The following OARD1 variants were observed in gnomAD, a reference collection of about 807,000 sequenced individuals.
The protein encoded by OARD1 is ADP-ribose glycohydrolase OARD1.
Under a neutral mutation model 19.7 loss-of-function variants are expected in OARD1, and 19 were observed. The ratio of observed to expected loss-of-function variants is 0.96; its 90% confidence interval spans 0.67 to 1.41. The LOEUF is 1.41. Ranked by LOEUF, OARD1 falls within the 40% of genes most tolerant of loss-of-function variation. The probability of loss-of-function intolerance (pLI) is 0.00; values close to 1 mark genes in which losing one functional copy is unlikely to be tolerated. For missense variants in OARD1, 190 were observed against 183.8 expected (o/e 1.03, Z -0.20); for synonymous variants, 70 against 61.8 (o/e 1.13, Z -0.62).
At position 41,084,281 on chromosome 6, in the gene OARD1, C is replaced by T. The variant is rs1763983830; in HGVS notation, c.-41-12606G>A. On this transcript the variant is annotated intron_variant, in intron 1 of 4. Transcript: ENST00000480585. ...ACAACCTATTTGATAATTGATATTG[C>T]ATTTAACTGCTTCCTAACCCACATT... is the stretch of plus-strand genomic sequence containing the variant. The T allele has an allele frequency of 1.6e-5, 22 of 1,416,190 alleles. 1 individual carries two copies. In the South Asian group the frequency reaches 2.5e-4, roughly 16 times the overall value. The allele number at this position is 1,416,190 out of a possible 1,614,324, so 87.7% of individuals were successfully genotyped here.
chr6:41,088,925 C>T (rs780183380), intron 1 of OARD1, among the ~76,000 whole-genome samples: 36 of 152,116 alleles, frequency 2.4e-4, no homozygotes, highest in Non-Finnish European at 4.7e-4. Context: ...TAAAAAAGTA[C>T]TTCATCATTC....
At chr6:41,079,100 A>G in intron 1 of OARD1, 1 of 1,614,214 alleles carries the variant, frequency 6.2e-7, no homozygotes, top group African/African-American at 1.3e-5. Context: ...ATGGAGCAGT[A>G]TACAGCAAAC....
chr6:41,087,212 T>C (rs1764073046), intron 1 of OARD1, among the ~76,000 whole-genome samples: 1 of 152,250 alleles, frequency 6.6e-6, no homozygotes, highest in East Asian at 1.9e-4. Context: ...TGTTTACTTA[T>C]TTATTTGCCA....
At chr6:41,074,345 G>C (rs910257150), upstream of OARD1, among the ~76,000 whole-genome samples, 1 of 152,182 alleles carries the variant, frequency 6.6e-6, no homozygotes, top group South Asian at 2.1e-4. Context: ...CGTGTGTTAG[G>C]GAGGGAGTAC....
upstream of OARD1, chr6:41,072,475 G>C (rs1031542631): frequency 6.6e-6 from 1 of 152,316 alleles, no homozygotes; most frequent in African/African-American, 2.4e-5. Context: ...ATCTAAGATG[G>C]CCGCCCCCGC....
chr6:41,067,480 C>G, intron 5 of OARD1, 43 bp from the exon 6 acceptor site: 1 of 1,306,460 alleles, frequency 7.7e-7, no homozygotes, highest in Non-Finnish European at 1.1e-6. Context: ...ACGAAAGTAT[C>G]TAGGAAACTG....
intron 5 of OARD1, among the ~76,000 whole-genome samples, chr6:41,068,164 C>T (rs1167082035): frequency 6.6e-6 from 1 of 152,052 alleles, no homozygotes; most frequent in Non-Finnish European, 1.5e-5. Context: ...CATTTGAGGC[C>T]ATATGCAAAG....
intron 1 of OARD1, among the ~76,000 whole-genome samples, chr6:41,083,799 A>G (rs559181362): frequency 1.3e-5 from 2 of 152,356 alleles, no homozygotes; most frequent in South Asian, 2.1e-4. Flanking sequence ...CCTTATATCT[A>G]TTGAGACTTC....
chr6:41,086,138 G>A (rs1034935719), intron 1 of OARD1, among the ~76,000 whole-genome samples: 15 of 152,022 alleles, frequency 9.9e-5, no homozygotes, highest in Middle Eastern at 3.4e-3. Flanking sequence ...CCCTTGCTGC[G>A]CCTTCTCCAC....
At chr6:41,070,328 A>C (rs1000653778) in intron 3 of OARD1, among the ~76,000 whole-genome samples, 194 bp from the exon 4 acceptor site, 1 of 152,152 alleles carries the variant, frequency 6.6e-6, no homozygotes, top group Non-Finnish European at 1.5e-5. Context: ...TATATTCCTT[A>C]ACTTAACAGC....
intron 5 of OARD1, among the ~76,000 whole-genome samples, chr6:41,068,354 G>A (rs1319405293): frequency 6.6e-6 from 1 of 152,218 alleles, no homozygotes; most frequent in African/African-American, 2.4e-5. Flanking sequence ...ATCAGGGACA[G>A]ATCCTCTGGC....
At chr6:41,083,084 G>A (rs751077201) in intron 1 of OARD1, among the ~76,000 whole-genome samples, 2 of 152,176 alleles carry the variant, frequency 1.3e-5, no homozygotes, top group Non-Finnish European at 2.9e-5. Context: ...AGTAATTTCT[G>A]TCAAAGATAG....
chr6:41,071,773 C>A, intron 1 of OARD1, 98 bp from the exon 2 acceptor site: 2 of 683,512 alleles, frequency 2.9e-6, no homozygotes, highest in Non-Finnish European at 5.2e-6. Context: ...TTTTCCCCAA[C>A]GTTTATCGAT....
chr6:41,088,284 G>C (rs571361332), intron 1 of OARD1, among the ~76,000 whole-genome samples: 4 of 151,724 alleles, frequency 2.6e-5, no homozygotes, highest in Admixed American at 1.3e-4. Context: ...TAAGCCAGGC[G>C]TGATGGCGGA....
At chr6:41,075,614 CTT>C (rs1378366218), upstream of OARD1, 2 of 152,004 alleles carry the variant, frequency 1.3e-5, no homozygotes, top group East Asian at 3.9e-4. Context: ...TTTATGCTCT[CTT>C]GATTTGTAGT....
rs896901241 is a variant in OARD1 at position 41,064,874 on chromosome 6, T to C, written c.*2461A>G. 18 of 152,030 alleles carry C rather than the reference T, an allele frequency of 1.2e-4. No homozygotes were observed. Among genetic ancestry groups the C allele is most frequent in the African/African-American group, 4.1e-4 (17 of 41,364 alleles). The allele number at this position is 152,030 out of a possible 1,614,324, so 9.4% of individuals were successfully genotyped here. ...TCATTTAAAAGTATTCAATACATGG[T>C]GTTTGATGGTAATGGCAGGATGATG... On this transcript the variant is annotated 3_prime_UTR_variant, in exon 6 of 6. Coordinates refer to ENST00000424266, the MANE Select transcript of OARD1 (RefSeq NM_001329686.2).
chr6:41,088,865 G>A (rs1764118671), intron 1 of OARD1, among the ~76,000 whole-genome samples: 1 of 152,088 alleles, frequency 6.6e-6, no homozygotes, highest in Non-Finnish European at 1.5e-5. Flanking sequence ...ATGGGCATAA[G>A]CCATTGTACC....
chr6:41,091,613 C>T (rs2113815759), intron 1 of OARD1: 1 of 1,614,192 alleles, frequency 6.2e-7, no homozygotes, highest in South Asian at 1.1e-5. Flanking sequence ...CCAATACCAA[C>T]ACAACCAGCA....
intron 1 of OARD1, among the ~76,000 whole-genome samples, chr6:41,077,702 A>T (rs1479688078): frequency 1.2e-4 from 18 of 152,086 alleles, no homozygotes; most frequent in Admixed American, 1.2e-3. Context: ...AAAATCAGAA[A>T]ACCGGTTTGT....
Sources: gnomAD v4.1 joint callset for allele counts (sites outside exome capture counted in the v4.1 genomes callset) on GRCh38, gnomAD v4.1.1 for gene constraint, MANE v1.5 for transcripts, NCBI Gene and HGNC (gene_info 2026-07-23, HGNC 2026-07-21) for gene names.